The following SMAD3 variants were observed in gnomAD, a reference collection of about 807,000 sequenced individuals.
The protein encoded by SMAD3 is SMAD family member 3.
A neutral mutation model predicts 51.8 loss-of-function variants in SMAD3; 12 were observed. The observed-to-expected ratio is 0.23, with a 90% confidence interval of 0.15 to 0.38. The LOEUF (loss-of-function observed/expected upper bound fraction) is 0.38, where lower values mean the gene tolerates loss of function less well. Ranked by LOEUF, SMAD3 falls within the 10% of genes least tolerant of loss-of-function variation. SMAD3 has a pLI of 1.00. For missense variants in SMAD3, 294 were observed against 565.6 expected, an observed-to-expected ratio of 0.52 and a Z score of 4.87; for synonymous variants, 238 against 227.7, an observed-to-expected ratio of 1.05 and a Z score of -0.41.
chr15:67,089,610 T>G (rs908168478), intron 1 of SMAD3, among the ~76,000 whole-genome samples: 3 of 151,916 alleles, frequency 2.0e-5, no homozygotes. Context: ...CCATGGGGAG[T>G]GTGTGTGCGT....
intron 1 of SMAD3, among the ~76,000 whole-genome samples, chr15:67,069,256 T>A (rs1443555138): frequency 6.6e-6 from 1 of 152,152 alleles, no homozygotes; most frequent in East Asian, 1.9e-4. Flanking sequence ...AAGGAAGTGG[T>A]AAGAGCTTCA....
chr15:67,065,750 G>C lies in SMAD3; in HGVS notation c.-405G>C. On this transcript the variant is annotated 5_prime_UTR_variant, in exon 1 of 9. Coordinates refer to ENST00000327367, the MANE Select transcript of SMAD3 (RefSeq NM_005902.4). ...CGGAGGGATCTGCGCATCAAAGCTA[G>C]CGAGGCGAGCGAAGTTTGGCCGGGG... The C allele has an allele frequency of 5.0e-6, 1 of 198,488 alleles. No homozygotes were observed. Among genetic ancestry groups the C allele is most frequent in the African/African-American group, 2.3e-5 (1 of 43,418 alleles). 12.3% of individuals were successfully genotyped at this position (198,488 alleles called of 1,614,324 possible). A position where few individuals can be genotyped will look rare whatever the true frequency, so the allele number is the denominator to read the frequency against.
chr15:67,113,095 T>TATATATA (rs57818600), intron 1 of SMAD3, among the ~76,000 whole-genome samples: 1 of 91,126 alleles, frequency 1.1e-5, no homozygotes. Flanking sequence ...TATATATATA[T>TATATATA]TTTTTTGAGA....
At chr15:67,142,719 C>A in intron 1 of SMAD3, 3 of 327,862 alleles carry the variant, frequency 9.2e-6, no homozygotes, top group South Asian at 4.5e-5. Context: ...TTAAGACATT[C>A]AAAAACCACT....
Position 67,103,521 on chromosome 15 carries a change from T to A in SMAD3, c.206+37161T>A, listed in dbSNP as rs552740488. On this transcript the variant is annotated intron_variant, in intron 1 of 8. Transcript: ENST00000327367. ...CTGGGTGGGTCTGGCCCAGGGCTTC[T>A]GGGGTAGGCGCTGTGCTGGTGTGTG... Among the ~76,000 whole-genome samples the A allele has an allele frequency of 7.9e-5, 12 of 152,352 alleles. No individual in the cohort carries two copies. In the East Asian group the frequency reaches 9.6e-4, roughly 12 times the overall value.
At chr15:67,190,069 G>A (rs768700134) in intron 8 of SMAD3, among the ~76,000 whole-genome samples, 9 of 152,038 alleles carry the variant, frequency 5.9e-5, no homozygotes, top group Non-Finnish European at 1.0e-4. Flanking sequence ...TGCTCAGGAT[G>A]GAGGTCTCCT....
chr15:67,134,175 T>G (rs1961595916), intron 1 of SMAD3, among the ~76,000 whole-genome samples: 1 of 152,030 alleles, frequency 6.6e-6, no homozygotes, highest in Non-Finnish European at 1.5e-5. Context: ...GAAACCTGGT[T>G]ATTTCCAAGG....
At chr15:67,175,853 C>T (rs1296514429) in intron 5 of SMAD3, among the ~76,000 whole-genome samples, 5 of 152,330 alleles carry the variant, frequency 3.3e-5, no homozygotes, top group Admixed American at 2.0e-4. Flanking sequence ...TGCTGCTGCC[C>T]AAGGCTCTTT....
intron 3 of SMAD3, 82 bp downstream of exon 3, chr15:67,165,466 T>G: frequency 7.2e-6 from 11 of 1,537,144 alleles, no homozygotes; most frequent in Non-Finnish European, 8.9e-6. Flanking sequence ...CCCCAATCTC[T>G]GCCCCCTGGC....
At chr15:67,143,099 TTC>T in intron 1 of SMAD3, 1 of 213,954 alleles carries the variant, frequency 4.7e-6, no homozygotes, top group Non-Finnish European at 9.9e-6. Flanking sequence ...GTCAAGGTTT[TTC>T]AATGATGAAT....
intron 1 of SMAD3, among the ~76,000 whole-genome samples, chr15:67,133,307 TC>T (rs1222611996): frequency 1.3e-5 from 2 of 152,302 alleles, no homozygotes; most frequent in Non-Finnish European, 2.9e-5. Context: ...GTCCCATTTG[TC>T]CTGTTTGAGC....
Position 67,183,004 on chromosome 15 carries a change from T to A in SMAD3, c.871+1551T>A, listed in dbSNP as rs71400362. The stretch of plus-strand genomic sequence containing the variant: ...ATTTTATTAAAAAAAAAAAAAAATA[T>A]ATATATATATATATATATATATATA... On this transcript the variant is annotated intron_variant, in intron 6 of 8. Transcript: ENST00000327367. 3.9e-3 allele frequency among the ~76,000 whole-genome samples: 228 copies of A among 57,842 alleles called. 1 individual carries two copies. The highest frequency in any genetic ancestry group is 9.0e-3 in the African/African-American group (105 of 11,678). The allele number at this position is 57,842 out of a possible 152,430, so 37.9% of individuals were successfully genotyped here. A position where few individuals can be genotyped will look rare whatever the true frequency, so the allele number is the denominator to read the frequency against.
chr15:67,113,299 C>T (rs1961065221), intron 1 of SMAD3, among the ~76,000 whole-genome samples: 1 of 149,714 alleles, frequency 6.7e-6, no homozygotes, highest in African/African-American at 2.5e-5. Context: ...ACCGTGTTAG[C>T]CAGGATGGTC....
chr15:67,170,708 C>A, intron 5 of SMAD3, 104 bp downstream of exon 5: 1 of 976,208 alleles, frequency 1.0e-6, no homozygotes, highest in Non-Finnish European at 1.6e-6. Context: ...TCCCCCGACC[C>A]CTACCATCAG....
intron 1 of SMAD3, among the ~76,000 whole-genome samples, chr15:67,076,668 T>C (rs1960177664): frequency 6.6e-6 from 1 of 152,240 alleles, no homozygotes; most frequent in Admixed American, 6.5e-5. Flanking sequence ...TGTGCTCCTC[T>C]TACTGGGGCA....
chr15:67,177,865 C>T (rs1055965347), intron 5 of SMAD3, among the ~76,000 whole-genome samples: 5 of 151,964 alleles, frequency 3.3e-5, no homozygotes, highest in African/African-American at 1.2e-4. Context: ...GCGGGAGGGA[C>T]CTAGAAAGGA....
chr15:67,181,224 C>T lies in SMAD3; in HGVS notation c.659-17C>T. The T allele has an allele frequency of 6.2e-7, 1 of 1,607,856 alleles. No homozygotes were observed. Among genetic ancestry groups the T allele is most frequent in the Non-Finnish European group, 8.5e-7 (1 of 1,176,448 alleles). On this transcript the variant is annotated splice_polypyrimidine_tract_variant and intron_variant, in intron 5 of 8. Coordinates refer to ENST00000327367, the MANE Select transcript of SMAD3 (RefSeq NM_005902.4). ...TTGGGACACCCAATGACCCAGTAGC[C>T]CACCCTGTGTCCACAGACCTGCAGC...
intron 1 of SMAD3, among the ~76,000 whole-genome samples, chr15:67,083,968 A>C (rs540802420): frequency 1.3e-5 from 2 of 152,040 alleles, no homozygotes; most frequent in Non-Finnish European, 2.9e-5. Context: ...GGGGAAGTCA[A>C]CTTGACTTCC....
At position 67,192,887 on chromosome 15, in the gene SMAD3, C is replaced by T. The variant is rs1397469636; in HGVS notation, c.*2351C>T. 1 of 233,214 alleles carries T rather than the reference C, an allele frequency of 4.3e-6. No individual in the cohort carries two copies. Among genetic ancestry groups the T allele is most frequent in the East Asian group, 6.0e-5 (1 of 16,730 alleles). The allele number at this position is 233,214 out of a possible 1,614,324, so 14.4% of individuals were successfully genotyped here. A position where few individuals can be genotyped will look rare whatever the true frequency, so the allele number is the denominator to read the frequency against. ...CAGACCTGAAGGCTACTTCTAGGAG[C>T]ATGAAGTTTGAGTTTTGTGTTTTTC... On this transcript the variant is annotated 3_prime_UTR_variant, in exon 9 of 9. Transcript: ENST00000327367.
Sources: allele counts gnomAD v4.1 joint callset (sites outside exome capture counted in the v4.1 genomes callset), GRCh38; gene constraint gnomAD v4.1.1; transcripts MANE v1.5; gene names NCBI Gene and HGNC (gene_info 2026-07-23, HGNC 2026-07-21).